DCDC2C: variants seen among roughly 807,000 people sequenced by gnomAD.
The protein encoded by DCDC2C is doublecortin domain containing 2C.
In DCDC2C, 44 loss-of-function variants were observed where a neutral mutation model predicts 45.0. The observed-to-expected ratio is 0.98, with a 90% confidence interval of 0.77 to 1.26. DCDC2C has a LOEUF of 1.26. Ranked by LOEUF, DCDC2C falls within the 50% of genes most tolerant of loss-of-function variation. The pLI is 0.00. For missense variants in DCDC2C, 447 were observed against 468.9 expected (o/e 0.95, Z 0.43); for synonymous variants, 187 against 178.8 (o/e 1.05, Z -0.37).
At chr2:3,823,657 T>C (rs528097147) in intron 10 of DCDC2C, among the ~76,000 whole-genome samples, 1 of 152,372 alleles carries the variant, frequency 6.6e-6, no homozygotes, top group South Asian at 2.1e-4. Flanking sequence ...AAGGATATTT[T>C]CATGGATATA....
intron 9 of DCDC2C, among the ~76,000 whole-genome samples, chr2:3,782,067 A>G (rs1670524160): frequency 2.6e-5 from 4 of 152,030 alleles, no homozygotes. Flanking sequence ...TCTGGTTCCA[A>G]CACCTTTTCG....
Position 3,763,204 on chromosome 2 carries a change from G to A in DCDC2C, c.727-4550G>A, listed in dbSNP as rs552677806. 6.6e-5 allele frequency among the ~76,000 whole-genome samples: 10 copies of A among 152,244 alleles called. No individual in the cohort carries two copies. The South Asian group carries it at 8.3e-4, about 13-fold the overall frequency. The stretch of plus-strand genomic sequence containing the variant: ...TCTGGCATTTGGATGAGCACTGGCC[G>A]ACTGCCAGCCTGGCTCTGAGATCCC... On this transcript the variant is annotated intron_variant, in intron 6 of 10. Transcript: ENST00000399143.
intron 10 of DCDC2C, among the ~76,000 whole-genome samples, chr2:3,797,659 T>C (rs904299631): frequency 9.9e-5 from 15 of 151,552 alleles, no homozygotes; most frequent in Non-Finnish European, 1.5e-4. Context: ...GGTTGTTCAG[T>C]TTCCATGTAG....
At position 3,847,491 on chromosome 2, in the gene DCDC2C, C is replaced by T. The variant is rs918777747; in HGVS notation, c.*308C>T. 1.3e-4 allele frequency: 29 copies of T among 226,326 alleles called. No homozygotes were observed. Among genetic ancestry groups the T allele is most frequent in the Non-Finnish European group, 7.7e-5 (9 of 116,978 alleles). The allele number at this position is 226,326 out of a possible 1,614,324, so 14.0% of individuals were successfully genotyped here. A position where few individuals can be genotyped will look rare whatever the true frequency, so the allele number is the denominator to read the frequency against. Reference sequence around the variant, plus strand: ...TGAAAAAACGTGTGTATATTTTCCCCTCATGATATTTTTTTCCTGGAATGT... The same window carrying T: ...TGAAAAAACGTGTGTATATTTTCCCTTCATGATATTTTTTTCCTGGAATGT... On this transcript the variant is annotated 3_prime_UTR_variant, in exon 11 of 11. Coordinates refer to ENST00000399143, the MANE Select transcript of DCDC2C (RefSeq NM_001287444.2).
At chr2:3,830,734 C>T (rs747061762) in intron 10 of DCDC2C, among the ~76,000 whole-genome samples, 33 of 152,122 alleles carry the variant, frequency 2.2e-4, no homozygotes, top group African/African-American at 7.2e-4. Flanking sequence ...CCTTGACTCA[C>T]GGTGGGTGGT....
At chr2:3,763,977 A>G (rs1311365435) in intron 6 of DCDC2C, among the ~76,000 whole-genome samples, 1 of 152,250 alleles carries the variant, frequency 6.6e-6, no homozygotes. Flanking sequence ...GAAAACTGGA[A>G]TAAAATTTGA....
At chr2:3,725,700 G>GGGAGACGA in intron 2 of DCDC2C, among the ~76,000 whole-genome samples, 1 of 151,168 alleles carries the variant, frequency 6.6e-6, no homozygotes, top group African/African-American at 2.4e-5. Context: ...GGATCCCAGA[G>GGGAGACGA]GGAGATGAGC....
intron 10 of DCDC2C, among the ~76,000 whole-genome samples, chr2:3,838,013 AG>A (rs1672123296): frequency 3.3e-5 from 5 of 152,330 alleles, no homozygotes; most frequent in East Asian, 3.9e-4. Context: ...GGAGCTTTAA[AG>A]AAAAAGGAAA....
At chr2:3,816,810 A>C (rs1000260880) in intron 10 of DCDC2C, among the ~76,000 whole-genome samples, 4 of 152,206 alleles carry the variant, frequency 2.6e-5, no homozygotes, top group Admixed American at 2.6e-4. Flanking sequence ...CCCAAACTTG[A>C]TGTGTAGGGA....
chr2:3,820,991 G>A (rs1364234845), intron 10 of DCDC2C, among the ~76,000 whole-genome samples: 1 of 152,170 alleles, frequency 6.6e-6, no homozygotes, highest in South Asian at 2.1e-4. Flanking sequence ...AACAGGCTTT[G>A]TGTGAGCAAC....
intron 10 of DCDC2C, among the ~76,000 whole-genome samples, chr2:3,845,774 G>T (rs1031881125): frequency 6.6e-6 from 1 of 152,188 alleles, no homozygotes; most frequent in African/African-American, 2.4e-5. Context: ...CTGCCCTAGT[G>T]CCTGTGATTT....
At chr2:3,753,838 G>A (rs1244594254) in intron 5 of DCDC2C, among the ~76,000 whole-genome samples, 1 of 152,188 alleles carries the variant, frequency 6.6e-6, no homozygotes, top group Non-Finnish European at 1.5e-5. Context: ...TGTCCTGTCT[G>A]CCAAGGACGA....
chr2:3,767,923 A>T, intron 7 of DCDC2C, 43 bp downstream of exon 7: 2 of 1,400,934 alleles, frequency 1.4e-6, no homozygotes, highest in Non-Finnish European at 1.9e-6. Flanking sequence ...TCGAAACTTT[A>T]CCAGGCTGAG....
intron 10 of DCDC2C, among the ~76,000 whole-genome samples, chr2:3,808,050 C>T (rs556496593): frequency 4.6e-5 from 7 of 152,234 alleles, no homozygotes; most frequent in South Asian, 2.1e-4. Flanking sequence ...AGAGTGGGAT[C>T]GCTGAGTCAT....
rs559211933 is a variant in DCDC2C, at chr2:3,847,664, C to T, written c.*481C>T. On this transcript the variant is annotated 3_prime_UTR_variant, in exon 11 of 11. Coordinates refer to ENST00000399143, the MANE Select transcript of DCDC2C (RefSeq NM_001287444.2). The stretch of plus-strand genomic sequence containing the variant: ...GTGAAAAGGAAAAAAATCCAGGGTT[C>T]GCTGGTGACATGGTTTGGCTGTATG... 2.0e-4 allele frequency among the ~76,000 whole-genome samples: 30 copies of T among 152,234 alleles called. No homozygotes were observed. Among genetic ancestry groups the T allele is most frequent in the Non-Finnish European group, 4.3e-4 (29 of 68,028 alleles).
chr2:3,807,096 A>G (rs1341754957), intron 10 of DCDC2C, among the ~76,000 whole-genome samples: 1 of 151,056 alleles, frequency 6.6e-6, no homozygotes, highest in Non-Finnish European at 1.5e-5. Flanking sequence ...TTTTTTTTTA[A>G]CAGCATGAGG....
In DCDC2C at chr2:3,761,606, A is replaced by G. The variant is rs796620652; in HGVS notation, c.727-6148A>G. On this transcript the variant is annotated intron_variant, in intron 6 of 10. Transcript: ENST00000399143. The surrounding 1 kb of genome is among the most constrained non-coding windows in gnomAD (Gnocchi z 4.3). ...CCTGAGGATGCAACAGCCAGGTTCAATGTTAGCAAATCTTCCACTTTAATA... is the reference window on the plus strand; with the variant it reads ...CCTGAGGATGCAACAGCCAGGTTCAGTGTTAGCAAATCTTCCACTTTAATA... Among the ~76,000 whole-genome samples, 6 of 152,370 alleles carry G rather than the reference A, an allele frequency of 3.9e-5. No individual in the cohort carries two copies. Among genetic ancestry groups the G allele is most frequent in the African/African-American group, 1.4e-4 (6 of 41,590 alleles).
At chr2:3,803,004 A>G (rs917794406) in intron 10 of DCDC2C, among the ~76,000 whole-genome samples, 3 of 152,072 alleles carry the variant, frequency 2.0e-5, no homozygotes, top group African/African-American at 7.2e-5. Context: ...TCCCACCTAT[A>G]TTCATGTATT....
chr2:3,797,887 C>T lies in DCDC2C; in HGVS notation c.1065+12787C>T, dbSNP rs547620565. ...GAGTTCTGTAGATGTCTATTAGGTC[C>T]GCTCAGTCCAGAGCTGAGTTCAATT... On this transcript the variant is annotated intron_variant, in intron 10 of 10. Transcript: ENST00000399143. Among the ~76,000 whole-genome samples, 248 of 147,502 alleles carry T rather than the reference C, an allele frequency of 1.7e-3. 6 individuals carry two copies. The highest frequency in any genetic ancestry group is 5.3e-3 in the African/African-American group (219 of 41,232).
Sources: allele counts gnomAD v4.1 joint callset (sites outside exome capture counted in the v4.1 genomes callset), GRCh38; gene constraint gnomAD v4.1.1; non-coding constraint Gnocchi (gnomAD v3.1); transcripts MANE v1.5; gene names NCBI Gene and HGNC (gene_info 2026-07-23, HGNC 2026-07-21).